The following NKAIN2 variants were observed in gnomAD, a reference collection of about 807,000 sequenced individuals.
NKAIN2 encodes the protein sodium/potassium-transporting ATPase subunit beta-1-interacting protein 2.
Under a neutral mutation model 32.6 loss-of-function variants are expected in NKAIN2, and 14 were observed. The ratio of observed to expected loss-of-function variants is 0.43; its 90% CI spans 0.28 to 0.67. The LOEUF (loss-of-function observed/expected upper bound fraction) is 0.67. Among genes scored for constraint, NKAIN2 ranks in the 30% least tolerant of loss-of-function variants. NKAIN2 has a pLI of 0.17. For missense variants in NKAIN2, 198 were observed against 258.3 expected, an observed-to-expected ratio of 0.77 and a Z score of 1.60; for synonymous variants, 80 against 87.2, an observed-to-expected ratio of 0.92 and a Z score of 0.46.
intron 2 of NKAIN2, among the ~76,000 whole-genome samples, chr6:124,346,832 A>C (rs1191828377): frequency 1.3e-5 from 2 of 151,920 alleles, no homozygotes; most frequent in Non-Finnish European, 2.9e-5. Context: ...TAGTCCATTT[A>C]CATTTAAAGT....
intron 2 of NKAIN2, among the ~76,000 whole-genome samples, chr6:124,346,869 C>G (rs1318046623): frequency 6.6e-6 from 1 of 151,654 alleles, no homozygotes. Flanking sequence ...GAATTTGATC[C>G]TGTCATTATG....
At chr6:124,143,584 T>C (rs1787246612) in intron 1 of NKAIN2, among the ~76,000 whole-genome samples, 1 of 152,232 alleles carries the variant, frequency 6.6e-6, no homozygotes, top group Non-Finnish European at 1.5e-5. Context: ...AATCTACAGT[T>C]ACTAATCAGA....
intron 1 of NKAIN2, among the ~76,000 whole-genome samples, chr6:123,902,282 A>T (rs1169119399): frequency 6.6e-6 from 1 of 152,158 alleles, no homozygotes; most frequent in Non-Finnish European, 1.5e-5. Flanking sequence ...GATAGTGGAA[A>T]TGAGTGGCCT....
chr6:124,458,462 C>A (rs1181164180), intron 3 of NKAIN2, among the ~76,000 whole-genome samples: 2 of 151,534 alleles, frequency 1.3e-5, no homozygotes, highest in African/African-American at 4.9e-5. Flanking sequence ...TCTCTCTCTG[C>A]TGTTGGATCT....
chr6:124,795,304 C>T (rs972312364), intron 5 of NKAIN2, among the ~76,000 whole-genome samples: 9 of 152,242 alleles, frequency 5.9e-5, no homozygotes, highest in Non-Finnish European at 8.8e-5. Flanking sequence ...AGTTCTGATA[C>T]CTCAGCTTCA....
intron 1 of NKAIN2, among the ~76,000 whole-genome samples, chr6:124,087,459 T>G (rs2114920251): frequency 6.6e-6 from 1 of 152,008 alleles, no homozygotes; most frequent in Non-Finnish European, 1.5e-5. Flanking sequence ...AAAATGTATA[T>G]ACATTGGAAA....
chr6:124,411,124 A>C (rs1442419650), intron 3 of NKAIN2, among the ~76,000 whole-genome samples: 1 of 151,346 alleles, frequency 6.6e-6, no homozygotes, highest in African/African-American at 2.4e-5. Context: ...ATGGGTCTTG[A>C]CTCTTTATCC....
chr6:124,385,966 G>T (rs1160681473), intron 3 of NKAIN2, among the ~76,000 whole-genome samples: 2 of 152,110 alleles, frequency 1.3e-5, no homozygotes, highest in Admixed American at 6.6e-5. Context: ...TGTAAGCAAT[G>T]ATATCAGCCA....
chr6:123,904,544 G>A (rs1774763337), intron 1 of NKAIN2, among the ~76,000 whole-genome samples: 1 of 152,140 alleles, frequency 6.6e-6, no homozygotes, highest in Admixed American at 6.5e-5. Flanking sequence ...TTGCTTTAAT[G>A]GTTTCTTACA....
chr6:123,871,228 T>G (rs539372853), intron 1 of NKAIN2, among the ~76,000 whole-genome samples: 1 of 152,230 alleles, frequency 6.6e-6, no homozygotes, highest in South Asian at 2.1e-4. Flanking sequence ...ACCATACATA[T>G]TTTTTGTTTC....
At chr6:124,339,367 CA>C (rs1798020937) in intron 2 of NKAIN2, among the ~76,000 whole-genome samples, 1 of 152,002 alleles carries the variant, frequency 6.6e-6, no homozygotes, top group Non-Finnish European at 1.5e-5. Flanking sequence ...ACAACAACAA[CA>C]AAAACTGCAG....
chr6:123,856,881 A>G (rs968945660), intron 1 of NKAIN2, among the ~76,000 whole-genome samples: 2 of 152,214 alleles, frequency 1.3e-5, no homozygotes, highest in African/African-American at 4.8e-5. Flanking sequence ...CACATAAACA[A>G]TAAAAATAAC....
chr6:124,717,977 G>A (rs1775832715), intron 4 of NKAIN2, among the ~76,000 whole-genome samples: 1 of 152,174 alleles, frequency 6.6e-6, no homozygotes, highest in Admixed American at 6.5e-5. Flanking sequence ...TTATCTCTAA[G>A]GGATCATCTA....
intron 1 of NKAIN2, among the ~76,000 whole-genome samples, chr6:124,258,616 G>C (rs1794066772): frequency 6.6e-6 from 1 of 152,126 alleles, no homozygotes; most frequent in Non-Finnish European, 1.5e-5. Flanking sequence ...CTTCAGACAA[G>C]TTACTTAACC....
chr6:124,333,249 T>C (rs1204049639), intron 2 of NKAIN2, among the ~76,000 whole-genome samples: 1 of 152,216 alleles, frequency 6.6e-6, no homozygotes, highest in African/African-American at 2.4e-5. Flanking sequence ...ACATATTCAT[T>C]TCCTGTTGCT....
At chr6:124,286,711 C>T (rs1219842889) in intron 2 of NKAIN2, among the ~76,000 whole-genome samples, 3 of 148,880 alleles carry the variant, frequency 2.0e-5, no homozygotes, top group Non-Finnish European at 4.5e-5. Context: ...AGATAAGTTT[C>T]GTTCTTGCTG....
intron 3 of NKAIN2, among the ~76,000 whole-genome samples, chr6:124,475,355 C>T (rs1562208105): frequency 6.6e-6 from 1 of 152,096 alleles, no homozygotes; most frequent in Non-Finnish European, 1.5e-5. Flanking sequence ...TATGCTACAG[C>T]ATATTATCAC....
chr6:124,065,176 C>T (rs529149756), intron 1 of NKAIN2, among the ~76,000 whole-genome samples: 16 of 151,998 alleles, frequency 1.1e-4, no homozygotes, highest in Non-Finnish European at 1.6e-4. Flanking sequence ...TCTAATCTAA[C>T]GCACCTGCTT....
rs1362694559 is a variant in NKAIN2 at position 124,825,205 on chromosome 6, T to G, written c.*1976T>G. On this transcript the variant is annotated 3_prime_UTR_variant, in exon 7 of 7. Transcript: ENST00000368417. ...AAAATGAGGTTTCACTGTACATTCA[T>G]GCTGTGATGCGATTTCACCTTATAG... is the stretch of plus-strand genomic sequence containing the variant. The G allele has an allele frequency of 6.6e-6, 1 of 152,662 alleles. No homozygotes were observed. The highest frequency in any genetic ancestry group is 1.5e-5 in the Non-Finnish European group (1 of 68,050). The allele number at this position is 152,662 out of a possible 1,614,324, so 9.5% of individuals were successfully genotyped here.
Sources: allele counts gnomAD v4.1 joint callset (sites outside exome capture counted in the v4.1 genomes callset), GRCh38; gene constraint gnomAD v4.1.1; transcripts MANE v1.5; gene names NCBI Gene and HGNC (gene_info 2026-07-23, HGNC 2026-07-21).